Variants in MPP7 observed in about 807,000 individuals in gnomAD.
The protein encoded by MPP7 is MAGUK p55 subfamily member 7.
MPP7 carries 60 observed loss-of-function variants against 76.5 expected under a neutral mutation model. The ratio of observed to expected loss-of-function variants is 0.78; its 90% CI spans 0.64 to 0.97. MPP7 has a LOEUF of 0.97. Ranked by LOEUF, MPP7 falls within the 50% of genes least tolerant of loss-of-function variation. The pLI is 0.00. For synonymous variants in MPP7, 237 were observed against 244.5 expected (o/e 0.97, Z 0.29); for missense variants, 641 against 694.0 (o/e 0.92, Z 0.86).
At chr10:28,142,931 T>C (rs1271627014) in intron 5 of MPP7, among the ~76,000 whole-genome samples, 1 of 152,134 alleles carries the variant, frequency 6.6e-6, no homozygotes, top group African/African-American at 2.4e-5. Flanking sequence ...ACTGTCCTAA[T>C]TAAAGTATAT....
chr10:28,217,286 TG>T (rs1838340374), intron 2 of MPP7, among the ~76,000 whole-genome samples: 1 of 152,040 alleles, frequency 6.6e-6, no homozygotes, highest in Non-Finnish European at 1.5e-5. Context: ...CCCAGAACTT[TG>T]GGAGGCCAAG....
Position 28,301,242 on chromosome 10 carries a change from T to A in MPP7, c.-132+1619A>T, listed in dbSNP as rs752812069. On this transcript the variant is annotated intron_variant, in intron 1 of 16. Transcript: ENST00000683449. ...CAAAATGCATTACACTTCATTAGTA[T>A]TTTCCTTCTGCATATCAATTATTTC... 5.3e-5 allele frequency among the ~76,000 whole-genome samples: 8 copies of A among 152,320 alleles called. No homozygotes were observed. In the South Asian group the frequency reaches 1.4e-3, roughly 28 times the overall value.
intron 2 of MPP7, chr10:28,236,704 A>G (rs1839087793): frequency 2.0e-5 from 3 of 152,192 alleles, no homozygotes; most frequent in African/African-American, 7.2e-5. Context: ...ATTTTCCCAA[A>G]TGAGCAATCC....
intron 2 of MPP7, among the ~76,000 whole-genome samples, chr10:28,312,461 A>G (rs1352554717): frequency 6.6e-6 from 1 of 152,212 alleles, no homozygotes; most frequent in African/African-American, 2.4e-5. Context: ...TCCTCCTGTA[A>G]GACAAAAGTT....
chr10:28,219,238 G>A (rs1319400532), intron 2 of MPP7, among the ~76,000 whole-genome samples: 1 of 151,988 alleles, frequency 6.6e-6, no homozygotes, highest in East Asian at 1.9e-4. Flanking sequence ...TCTAAAATGG[G>A]AAAAAATTTA....
chr10:28,109,861 A>AAAAAAAC (rs1834443877), intron 11 of MPP7, among the ~76,000 whole-genome samples: 1 of 145,806 alleles, frequency 6.9e-6, no homozygotes, highest in African/African-American at 2.5e-5. Context: ...AAAAAAAAAA[A>AAAAAAAC]AAAAAAAAAA....
chr10:28,305,787 A>ATGT (rs915575336), upstream of MPP7: 19 of 152,378 alleles, frequency 1.2e-4, no homozygotes, highest in African/African-American at 4.1e-4. Context: ...TGGCCCCAGA[A>ATGT]TGTTGAAACA....
intron 1 of MPP7, among the ~76,000 whole-genome samples, chr10:28,288,910 G>A (rs369781282): frequency 6.6e-6 from 1 of 152,132 alleles, no homozygotes; most frequent in Non-Finnish European, 1.5e-5. Flanking sequence ...TATTAGGCTC[G>A]GGTGTGAGGT....
chr10:28,330,093 C>A (rs1244351883), intron 1 of MPP7: 1 of 125,912 alleles, frequency 7.9e-6, no homozygotes, highest in Non-Finnish European at 1.7e-5. Flanking sequence ...ACCAAACACA[C>A]CTGCCATACT....
chr10:28,216,052 G>A (rs2134040563), intron 2 of MPP7, among the ~76,000 whole-genome samples: 1 of 152,206 alleles, frequency 6.6e-6, no homozygotes, highest in South Asian at 2.1e-4. Flanking sequence ...ACTTAAAAAT[G>A]TGATCACACC....
At chr10:28,141,418 C>A (rs1361008774) in intron 5 of MPP7, among the ~76,000 whole-genome samples, 1 of 151,884 alleles carries the variant, frequency 6.6e-6, no homozygotes, top group African/African-American at 2.4e-5. Flanking sequence ...AATTACTAAA[C>A]AGGAAAAGAT....
upstream of MPP7, among the ~76,000 whole-genome samples, chr10:28,303,852 T>C (rs1486808915): frequency 1.3e-5 from 2 of 152,180 alleles, no homozygotes; most frequent in African/African-American, 4.8e-5. Flanking sequence ...ACTTTACATA[T>C]GTGACCGAGG....
rs182912299 is a variant in MPP7, at chr10:28,199,798, G to A, written c.156+2355C>T. ...ATTTTTAATTTTTTTTTGAGAGAGA[G>A]GGTCTTGCTGTGCTGCCCAGACTGG... is the stretch of plus-strand genomic sequence containing the variant. On this transcript the variant is annotated intron_variant, in intron 3 of 16. Transcript: ENST00000683449. Among the ~76,000 whole-genome samples, 608 of 151,786 alleles carry A rather than the reference G, an allele frequency of 4.0e-3. 10 individuals are homozygous for A. Among genetic ancestry groups the A allele is most frequent in the Non-Finnish European group, 1.3e-3 (91 of 67,952 alleles).
intron 11 of MPP7, chr10:28,118,302 C>T (rs1834721649): frequency 2.0e-6 from 2 of 980,370 alleles, no homozygotes; most frequent in South Asian, 9.4e-5. Flanking sequence ...AATACATATA[C>T]ACTTATCAAA....
intron 3 of MPP7, among the ~76,000 whole-genome samples, chr10:28,156,229 T>C (rs1836056403): frequency 6.6e-6 from 1 of 152,218 alleles, no homozygotes. Context: ...ATAATAATCG[T>C]ATCTATTAAC....
chr10:28,172,407 G>A (rs1836713731), intron 3 of MPP7, among the ~76,000 whole-genome samples: 1 of 152,142 alleles, frequency 6.6e-6, no homozygotes, highest in African/African-American at 2.4e-5. Context: ...CGTGGCACAC[G>A]CCGAAGTCTT....
intron 12 of MPP7, among the ~76,000 whole-genome samples, chr10:28,070,704 CA>C (rs1852203540): frequency 6.6e-6 from 1 of 152,168 alleles, no homozygotes; most frequent in Non-Finnish European, 1.5e-5. Flanking sequence ...AATGTATACA[CA>C]CTGGACATAT....
intron 3 of MPP7, among the ~76,000 whole-genome samples, chr10:28,150,533 G>C (rs913904217): frequency 6.6e-6 from 1 of 152,188 alleles, no homozygotes; most frequent in Non-Finnish European, 1.5e-5. Context: ...GAGGGAAGGA[G>C]CTGGCACTAT....
At chr10:28,194,222 G>A (rs1837505628) in intron 3 of MPP7, among the ~76,000 whole-genome samples, 2 of 151,806 alleles carry the variant, frequency 1.3e-5, no homozygotes, top group African/African-American at 4.8e-5. Flanking sequence ...CACCATGTTG[G>A]CCAGAATGGT....
Sources: allele counts gnomAD v4.1 joint callset (sites outside exome capture counted in the v4.1 genomes callset), GRCh38; gene constraint gnomAD v4.1.1; transcripts MANE v1.5; gene names NCBI Gene and HGNC (gene_info 2026-07-23, HGNC 2026-07-21).